Variants in AGPS observed in about 807,000 individuals in gnomAD.
AGPS encodes alkylglycerone phosphate synthase.
A neutral mutation model predicts 90.7 loss-of-function variants in AGPS; 26 were observed. The ratio of observed to expected loss-of-function variants is 0.29; its 90% CI spans 0.21 to 0.40. The LOEUF is 0.40. Ranked by LOEUF, AGPS falls within the 10% of genes least tolerant of loss-of-function variation. The probability of loss-of-function intolerance (pLI) is 1.00; values close to 1 mark genes in which losing one functional copy is unlikely to be tolerated. For missense variants in AGPS, 540 were observed against 816.1 expected (o/e 0.66, Z 4.12); for synonymous variants, 294 against 285.3 (o/e 1.03, Z -0.31).
rs182637326 is a variant in AGPS at position 177,517,425 on chromosome 2, A to T, written c.1697+3517A>T. ...ATGCTATATTTCACTCAGTCTGATC[A>T]TATTTGGTATTTGGGCATTTCTCCC... On this transcript the variant is annotated intron_variant, in intron 17 of 19. Transcript: ENST00000264167. Among the ~76,000 whole-genome samples, 32 of 152,234 alleles carry T rather than the reference A, an allele frequency of 2.1e-4. 1 individual carries two copies. Among genetic ancestry groups the T allele is most frequent in the Admixed American group, 2.1e-3 (32 of 15,276 alleles).
Position 177,490,392 on chromosome 2 carries a change from T to C in AGPS, c.1234-2756T>C, listed in dbSNP as rs1688217903. Reference sequence around the variant, plus strand: ...AAAAACTCTACTGACTTTTTAAAAATCTGGTACTATTGAAGTATGAGACTT... The same window carrying C: ...AAAAACTCTACTGACTTTTTAAAAACCTGGTACTATTGAAGTATGAGACTT... On this transcript the variant is annotated intron_variant, in intron 11 of 19. Transcript: ENST00000264167. Among the ~76,000 whole-genome samples the C allele has an allele frequency of 3.9e-5, 6 of 152,290 alleles. No individual in the cohort carries two copies. The South Asian group carries it at 1.2e-3, about 32-fold the overall frequency.
intron 8 of AGPS, among the ~76,000 whole-genome samples, chr2:177,453,057 G>A (rs977885189): frequency 6.6e-6 from 1 of 151,382 alleles, no homozygotes; most frequent in African/African-American, 2.4e-5. Flanking sequence ...GTCTGCTGTT[G>A]GCAAATTCTA....
At chr2:177,487,344 C>T (rs1220800733) in intron 11 of AGPS, among the ~76,000 whole-genome samples, 1 of 152,094 alleles carries the variant, frequency 6.6e-6, no homozygotes, top group African/African-American at 2.4e-5. Context: ...TTTCTTCGAA[C>T]TAGGTTTTTA....
Position 177,457,957 on chromosome 2 carries a change from C to T in AGPS, c.871-3936C>T, listed in dbSNP as rs573095416. On this transcript the variant is annotated intron_variant, in intron 8 of 19. Coordinates refer to ENST00000264167, the MANE Select transcript of AGPS (RefSeq NM_003659.4). ...CTTAATAAAATACTGGCAAACCGAACGAATCCAGCAGCACATCAAAAAGCT... is the reference window on the plus strand; with the variant it reads ...CTTAATAAAATACTGGCAAACCGAATGAATCCAGCAGCACATCAAAAAGCT... Among the ~76,000 whole-genome samples, 52 of 152,178 alleles carry T rather than the reference C, an allele frequency of 3.4e-4. 1 individual carries two copies. The highest frequency in any genetic ancestry group is 1.2e-4 in the African/African-American group (5 of 41,532).
intron 11 of AGPS, among the ~76,000 whole-genome samples, chr2:177,487,391 C>T (rs1178674995): frequency 6.6e-6 from 1 of 152,070 alleles, no homozygotes; most frequent in Non-Finnish European, 1.5e-5. Flanking sequence ...CTTCCCACTA[C>T]CTTTTGATGG....
intron 11 of AGPS, among the ~76,000 whole-genome samples, chr2:177,484,986 T>C (rs1688053651): frequency 6.6e-6 from 1 of 152,132 alleles, no homozygotes; most frequent in Non-Finnish European, 1.5e-5. Context: ...CAGGCTGGTC[T>C]TGAACTCCTG....
At chr2:177,494,400 A>T (rs1368537494) in intron 12 of AGPS, among the ~76,000 whole-genome samples, 1 of 152,236 alleles carries the variant, frequency 6.6e-6, no homozygotes, top group Non-Finnish European at 1.5e-5. Flanking sequence ...AAGTAATGAA[A>T]TACTTAAATC....
In AGPS at chr2:177,447,392, A is replaced by G. The variant is rs537321874; in HGVS notation, c.870+1766A>G. On this transcript the variant is annotated intron_variant, in intron 8 of 19. Coordinates refer to ENST00000264167, the MANE Select transcript of AGPS (RefSeq NM_003659.4). ...TTATATCAGATAAATAGATTTATCA[A>G]TTATTATAGTTTATAATGAACTTTA... Among the ~76,000 whole-genome samples, 10 of 152,292 alleles carry G rather than the reference A, an allele frequency of 6.6e-5. No homozygotes were observed. The East Asian group carries it at 1.9e-3, about 29-fold the overall frequency.
intron 8 of AGPS, among the ~76,000 whole-genome samples, chr2:177,447,162 GTTATC>G (rs891125129): frequency 1.3e-5 from 2 of 152,044 alleles, no homozygotes; most frequent in African/African-American, 4.8e-5. Flanking sequence ...TGATGTGATT[GTTATC>G]TTATTTTGTT....
At chr2:177,509,878 G>C (rs1351711002) in intron 16 of AGPS, among the ~76,000 whole-genome samples, 1 of 152,066 alleles carries the variant, frequency 6.6e-6, no homozygotes, top group African/African-American at 2.4e-5. Context: ...AACGGAGCTT[G>C]TTTTTTTCCA....
chr2:177,404,253 T>C (rs1685406950), intron 1 of AGPS, among the ~76,000 whole-genome samples: 1 of 152,156 alleles, frequency 6.6e-6, no homozygotes, highest in Admixed American at 6.5e-5. Flanking sequence ...TAAGGAATAG[T>C]GCTTAACCCT....
intron 8 of AGPS, among the ~76,000 whole-genome samples, chr2:177,450,091 C>G (rs2105649432): frequency 6.6e-6 from 1 of 152,166 alleles, no homozygotes; most frequent in East Asian, 1.9e-4. Flanking sequence ...TCTACCTCGG[C>G]CTCCCAAAGT....
At chr2:177,508,476 G>T in intron 16 of AGPS, among the ~76,000 whole-genome samples, 1 of 152,086 alleles carries the variant, frequency 6.6e-6, no homozygotes, top group Non-Finnish European at 1.5e-5. Flanking sequence ...GGTTTATAAA[G>T]GAAATTTAGT....
At chr2:177,436,927 A>G (rs372372429) in intron 4 of AGPS, 43 bp downstream of exon 4, 47 of 1,610,802 alleles carry the variant, frequency 2.9e-5, no homozygotes, top group Middle Eastern at 1.7e-4. Flanking sequence ...TAACAAAAAA[A>G]TTCTATATTT....
chr2:177,534,570 C>T (rs1480130099), intron 19 of AGPS, among the ~76,000 whole-genome samples: 28 of 108,470 alleles, frequency 2.6e-4, no homozygotes, highest in Admixed American at 1.1e-3. Context: ...AGTTTTCTTT[C>T]TTTTCTTTTC....
At chr2:177,436,309 G>T (rs546041817) in intron 3 of AGPS, among the ~76,000 whole-genome samples, 1 of 151,374 alleles carries the variant, frequency 6.6e-6, no homozygotes, top group Non-Finnish European at 1.5e-5. Flanking sequence ...CCGCCACCAC[G>T]CCCGGCTAAT....
At chr2:177,500,857 G>A (rs1229361032) in intron 14 of AGPS, among the ~76,000 whole-genome samples, 1 of 152,064 alleles carries the variant, frequency 6.6e-6, no homozygotes, top group Non-Finnish European at 1.5e-5. Context: ...TAAAATCCAT[G>A]TAATGACCAG....
chr2:177,419,729 G>A (rs1685892236), intron 1 of AGPS, among the ~76,000 whole-genome samples: 1 of 151,852 alleles, frequency 6.6e-6, no homozygotes. Flanking sequence ...TCAAGGTAGA[G>A]ATTGGTAGCT....
chr2:177,486,391 A>C (rs1429153402), intron 11 of AGPS, among the ~76,000 whole-genome samples: 2 of 152,200 alleles, frequency 1.3e-5, no homozygotes, highest in African/African-American at 4.8e-5. Flanking sequence ...AGAGTGGTAC[A>C]GTATTTGCTG....
Sources: gnomAD v4.1 joint callset for allele counts (sites outside exome capture counted in the v4.1 genomes callset) on GRCh38, gnomAD v4.1.1 for gene constraint, MANE v1.5 for transcripts, NCBI Gene and HGNC (gene_info 2026-07-23, HGNC 2026-07-21) for gene names.